FCHO2: variants seen among roughly 807,000 people sequenced by gnomAD.
FCHO2 encodes F-BAR domain only protein 2.
Under a neutral mutation model 114.1 loss-of-function variants are expected in FCHO2, and 43 were observed. That is an observed-to-expected ratio of 0.38 (90% CI 0.30 to 0.49). FCHO2 has a LOEUF of 0.49. Ranked by LOEUF, FCHO2 falls within the 20% of genes least tolerant of loss-of-function variation. The pLI, the probability that FCHO2 is intolerant of heterozygous loss-of-function variation, is 0.97. For missense variants in FCHO2, 807 were observed against 950.4 expected (o/e 0.85, Z 1.98); for synonymous variants, 293 against 315.2 (o/e 0.93, Z 0.75).
Position 73,078,118 on chromosome 5 carries a change from A to G in FCHO2, c.1848-62A>G. 2.3e-6 allele frequency: 3 copies of G among 1,320,316 alleles called. No homozygotes were observed. The South Asian group carries it at 5.7e-5, about 25-fold the overall frequency. 81.8% of individuals were successfully genotyped at this position (1,320,316 alleles called of 1,614,324 possible). ...GTTTTTCCTGTGTCACCAAATTACT[A>G]CACAGAGGCAAAACATAAAGATAAG... On this transcript the variant is annotated intron_variant, in intron 21 of 25. Coordinates refer to ENST00000430046, the MANE Select transcript of FCHO2 (RefSeq NM_138782.3).
At chr5:72,973,688 G>A (rs1256100909) in intron 2 of FCHO2, among the ~76,000 whole-genome samples, 1 of 149,486 alleles carries the variant, frequency 6.7e-6, no homozygotes, top group African/African-American at 2.4e-5. Flanking sequence ...AGGGTTTTTT[G>A]TGTCTCTATT....
At chr5:72,989,573 G>A in intron 3 of FCHO2, 72 bp downstream of exon 3, 1 of 1,152,686 alleles carries the variant, frequency 8.7e-7, no homozygotes, top group South Asian at 1.4e-5. Flanking sequence ...TTCCTTTTGA[G>A]GACATAACAG....
At chr5:72,996,231 G>A (rs980523773) in intron 5 of FCHO2, among the ~76,000 whole-genome samples, 3 of 103,016 alleles carry the variant, frequency 2.9e-5, no homozygotes, top group Non-Finnish European at 6.0e-5. Context: ...CAACAAGAAC[G>A]AAACTCTGTC....
intron 17 of FCHO2, among the ~76,000 whole-genome samples, chr5:73,061,398 G>A (rs1580185891): frequency 6.6e-6 from 1 of 152,126 alleles, no homozygotes; most frequent in Middle Eastern, 3.4e-3. Flanking sequence ...TTAAAACAAG[G>A]TAACTATTTG....
intron 1 of FCHO2, among the ~76,000 whole-genome samples, chr5:72,961,817 C>T (rs1361447382): frequency 6.6e-6 from 1 of 152,276 alleles, no homozygotes. Flanking sequence ...TCTCGAACTC[C>T]TGACCTCAGG....
chr5:72,982,008 C>T (rs917021584), intron 2 of FCHO2, among the ~76,000 whole-genome samples: 4 of 152,076 alleles, frequency 2.6e-5, no homozygotes, highest in East Asian at 3.9e-4. Flanking sequence ...GAGTTGTGGT[C>T]CTTTGTGCTT....
intron 5 of FCHO2, among the ~76,000 whole-genome samples, chr5:72,995,384 T>C (rs905051690): frequency 6.6e-6 from 1 of 151,538 alleles, no homozygotes; most frequent in East Asian, 1.9e-4. Context: ...GCCTCCCGAG[T>C]AGTTGGGATT....
chr5:72,983,030 C>T (rs891614938), intron 2 of FCHO2, among the ~76,000 whole-genome samples: 1 of 151,948 alleles, frequency 6.6e-6, no homozygotes, highest in Non-Finnish European at 1.5e-5. Context: ...TTTCCTGCCT[C>T]AGCCTCCCGA....
intron 5 of FCHO2, among the ~76,000 whole-genome samples, chr5:73,002,676 G>A (rs909386576): frequency 1.4e-4 from 22 of 152,162 alleles, no homozygotes; most frequent in Non-Finnish European, 2.6e-4. Context: ...ATCATGAAGT[G>A]ATAATTTGCA....
At position 72,996,517 on chromosome 5, in the gene FCHO2, C is replaced by T. The variant is rs144314247; in HGVS notation, c.495+5653C>T. 2.0e-4 allele frequency among the ~76,000 whole-genome samples: 30 copies of T among 152,066 alleles called. No individual in the cohort carries two copies. The East Asian group carries it at 5.4e-3, about 28-fold the overall frequency. On this transcript the variant is annotated intron_variant, in intron 5 of 25. Transcript: ENST00000430046. ...TGTAAAAACAGAAAAAAGCTATTGA[C>T]TCTCTGCTTACCCCCCTCCCTTACC...
chr5:72,993,790 T>A (rs1014917205), intron 5 of FCHO2, among the ~76,000 whole-genome samples: 21 of 152,122 alleles, frequency 1.4e-4, no homozygotes, highest in African/African-American at 4.8e-4. Flanking sequence ...TAGTGATACC[T>A]TTTGGTAAGA....
At position 73,054,258 on chromosome 5, in the gene FCHO2, A is replaced by T. The variant is rs1757479075; in HGVS notation, c.1185+87A>T. On this transcript the variant is annotated intron_variant, in intron 14 of 25. Coordinates refer to ENST00000430046, the MANE Select transcript of FCHO2 (RefSeq NM_138782.3). ...TTGACTTTCAAAATATTTGTATTAA[A>T]TTTTTAGATTAGCAAGTTTTAGTGT... is the stretch of plus-strand genomic sequence containing the variant. 4 of 1,201,354 alleles carry T rather than the reference A, an allele frequency of 3.3e-6. No homozygotes were observed. The South Asian group carries it at 6.2e-5, about 19-fold the overall frequency. The allele number at this position is 1,201,354 out of a possible 1,614,324, so 74.4% of individuals were successfully genotyped here.
At position 72,956,055 on chromosome 5, in the gene FCHO2, G is replaced by A. The variant is rs1449324297; in HGVS notation, c.-42G>A. The stretch of plus-strand genomic sequence containing the variant: ...GGGGCCGGGCCGTGTTTACACAGCG[G>A]CGGGCGGGCGCGGACGCGGAACCCG... On this transcript the variant is annotated 5_prime_UTR_variant, in exon 1 of 26. Coordinates refer to ENST00000430046, the MANE Select transcript of FCHO2 (RefSeq NM_138782.3). 3 of 1,537,736 alleles carry A rather than the reference G, an allele frequency of 2.0e-6. No individual in the cohort carries two copies. Among genetic ancestry groups the A allele is most frequent in the South Asian group, 1.2e-5 (1 of 82,428 alleles).
chr5:72,996,605 G>A (rs1754120424), intron 5 of FCHO2, among the ~76,000 whole-genome samples: 1 of 131,654 alleles, frequency 7.6e-6, no homozygotes. Context: ...CTTCCCTCCT[G>A]GTCTCGGAGG....
intron 8 of FCHO2, among the ~76,000 whole-genome samples, chr5:73,034,290 G>A (rs1254219845): frequency 2.6e-5 from 4 of 152,014 alleles, no homozygotes; most frequent in South Asian, 4.2e-4. Flanking sequence ...GAACACCACC[G>A]AGGATTCAGC....
At chr5:73,043,676 A>G (rs144764529) in intron 11 of FCHO2, among the ~76,000 whole-genome samples, 2 of 152,206 alleles carry the variant, frequency 1.3e-5, no homozygotes, top group African/African-American at 2.4e-5. Context: ...GTGTCTGCTG[A>G]TATGGAAAGA....
rs543299081 is a variant in FCHO2, at chr5:73,032,233, G to T, written c.797-2424G>T. Among the ~76,000 whole-genome samples the T allele has an allele frequency of 2.0e-5, 3 of 152,242 alleles. No individual in the cohort carries two copies. The East Asian group carries it at 5.8e-4, about 29-fold the overall frequency. On this transcript the variant is annotated intron_variant, in intron 8 of 25. Transcript: ENST00000430046. ...AATCTTGTTCATGCATGATTTAATG[G>T]TTTTTTTAAAAAGGTAGTATTTAGT...
At chr5:72,978,747 G>T (rs762206041) in intron 2 of FCHO2, among the ~76,000 whole-genome samples, 47 of 152,242 alleles carry the variant, frequency 3.1e-4, no homozygotes, top group Non-Finnish European at 5.0e-4. Context: ...CTGTGGGTTT[G>T]TCATAAATAG....
At chr5:72,967,669 G>A (rs1019951799) in intron 1 of FCHO2, among the ~76,000 whole-genome samples, 1 of 152,126 alleles carries the variant, frequency 6.6e-6, no homozygotes, top group Non-Finnish European at 1.5e-5. Flanking sequence ...TCCCAGGCTG[G>A]AGTGCAGTGG....
Sources: allele counts gnomAD v4.1 joint callset (sites outside exome capture counted in the v4.1 genomes callset), GRCh38; gene constraint gnomAD v4.1.1; transcripts MANE v1.5; gene names NCBI Gene and HGNC (gene_info 2026-07-23, HGNC 2026-07-21).